Variants in PLPPR1 observed in about 807,000 individuals in gnomAD.
PLPPR1 encodes phospholipid phosphatase-related protein type 1.
A neutral mutation model predicts 33.1 loss-of-function variants in PLPPR1; 10 were observed. The observed-to-expected ratio is 0.30, with a 90% CI of 0.19 to 0.51. PLPPR1 has a LOEUF of 0.51. Among genes scored for constraint, PLPPR1 ranks in the 20% least tolerant of loss-of-function variants. The pLI, the probability that PLPPR1 is intolerant of heterozygous loss-of-function variation, is 0.97. For missense variants in PLPPR1, 304 were observed against 408.1 expected (o/e 0.74, Z 2.20); for synonymous variants, 151 against 151.0 (o/e 1.00, Z 0.00).
At chr9:101,152,048 C>A (rs1344533778) in intron 1 of PLPPR1, among the ~76,000 whole-genome samples, 2 of 152,228 alleles carry the variant, frequency 1.3e-5, no homozygotes, top group Non-Finnish European at 2.9e-5. Flanking sequence ...TCCACATCCT[C>A]TCCAGCACCT....
intron 2 of PLPPR1, among the ~76,000 whole-genome samples, chr9:101,234,881 T>A (rs963396798): frequency 2.0e-5 from 3 of 152,000 alleles, no homozygotes; most frequent in African/African-American, 7.2e-5. Flanking sequence ...TTTAAATGTA[T>A]CCTTACTTTT....
rs751532084 is a variant in PLPPR1, at chr9:101,309,358, A to G, written c.533A>G (p.Asn178Ser). ...DCQAHHQFIN[N>S]GNICTGDLEV... ...CAAGCGCACCACCAGTTTATAAACA[A>G]TGGGAACATTTGTACTGGGGACCTG... The change falls in exon 5 of 8, where the codon AAT becomes AGT. Residue 178 changes from asparagine to serine, a missense_variant. Transcript: ENST00000374874. 6.2e-7 allele frequency: 1 copy of G among 1,614,162 alleles called. No individual in the cohort carries two copies. The highest frequency in any genetic ancestry group is 8.5e-7 in the Non-Finnish European group (1 of 1,180,028).
chr9:101,171,026 T>A (rs1302773651), intron 1 of PLPPR1, among the ~76,000 whole-genome samples: 1 of 151,794 alleles, frequency 6.6e-6, no homozygotes, highest in Non-Finnish European at 1.5e-5. Context: ...GGGGTAAGAG[T>A]GTTCTAGGCC....
At chr9:101,097,133 C>T (rs1182659381) in intron 1 of PLPPR1, among the ~76,000 whole-genome samples, 3 of 152,176 alleles carry the variant, frequency 2.0e-5, no homozygotes, top group Non-Finnish European at 2.9e-5. Context: ...CAAACTTGAG[C>T]ATGGCCAGAA....
chr9:101,101,676 A>C (rs139290672), intron 1 of PLPPR1, among the ~76,000 whole-genome samples: 1 of 152,222 alleles, frequency 6.6e-6, no homozygotes, highest in African/African-American at 2.4e-5. Context: ...GATCCTTTAG[A>C]TATCAATGGA....
intron 1 of PLPPR1, among the ~76,000 whole-genome samples, chr9:101,182,325 T>C (rs980359659): frequency 6.6e-6 from 1 of 151,658 alleles, no homozygotes; most frequent in African/African-American, 2.4e-5. Flanking sequence ...TAATGATCTG[T>C]TGTGCAGAAT....
chr9:101,097,255 C>T (rs10819899), intron 1 of PLPPR1, among the ~76,000 whole-genome samples: 64,666 of 151,932 alleles, frequency 0.43, 14,020 homozygotes, highest in Non-Finnish European at 0.47. Context: ...GGTGATGCTG[C>T]GCCTGGTGGT....
chr9:101,280,944 A>G (rs1828286926), intron 3 of PLPPR1, among the ~76,000 whole-genome samples: 1 of 152,152 alleles, frequency 6.6e-6, no homozygotes, highest in South Asian at 2.1e-4. Context: ...AAAGAAAGAA[A>G]GAAGGAACAT....
chr9:101,135,099 G>T (rs191946842), intron 1 of PLPPR1, among the ~76,000 whole-genome samples: 15 of 152,310 alleles, frequency 9.8e-5, no homozygotes, highest in Non-Finnish European at 1.3e-4. Context: ...ACTTGCAACT[G>T]CATCACAGTG....
At chr9:101,130,024 CAG>C (rs1831295661) in intron 1 of PLPPR1, among the ~76,000 whole-genome samples, 2 of 151,996 alleles carry the variant, frequency 1.3e-5, no homozygotes, top group African/African-American at 4.8e-5. Context: ...GATGAGAAAA[CAG>C]AGCATTAGAT....
intron 2 of PLPPR1, among the ~76,000 whole-genome samples, chr9:101,200,467 A>G (rs1365194042): frequency 8.6e-6 from 1 of 116,948 alleles, no homozygotes; most frequent in Non-Finnish European, 1.9e-5. Flanking sequence ...GAATACATAC[A>G]GAGTGGAAAA....
intron 1 of PLPPR1, among the ~76,000 whole-genome samples, chr9:101,143,152 T>G (rs1028928167): frequency 3.3e-5 from 5 of 152,224 alleles, no homozygotes; most frequent in African/African-American, 1.2e-4. Flanking sequence ...AATGCCAGCA[T>G]GTTCTTTGTA....
At chr9:101,183,851 G>A (rs1339783582) in intron 1 of PLPPR1, among the ~76,000 whole-genome samples, 1 of 151,660 alleles carries the variant, frequency 6.6e-6, no homozygotes, top group Non-Finnish European at 1.5e-5. Context: ...TAATTACATG[G>A]AGAAGCCATC....
intron 4 of PLPPR1, among the ~76,000 whole-genome samples, chr9:101,286,788 G>C (rs1230429589): frequency 6.6e-6 from 1 of 152,054 alleles, no homozygotes; most frequent in African/African-American, 2.4e-5. Context: ...AAATTCCTGA[G>C]GTGCTAGTGA....
chr9:101,324,016 G>C lies in PLPPR1; in HGVS notation c.946-9G>C, dbSNP rs1467938464. On this transcript the variant is annotated splice_polypyrimidine_tract_variant and intron_variant, in intron 7 of 7. Transcript: ENST00000374874. ...TCTCAGATTTTATCTGCTTGTGTTTGCTCCACAGAATCACTCTGCGTCCAT... is the reference window on the plus strand; with the variant it reads ...TCTCAGATTTTATCTGCTTGTGTTTCCTCCACAGAATCACTCTGCGTCCAT... The C allele has an allele frequency of 6.2e-7, 1 of 1,611,630 alleles. No individual in the cohort carries two copies. Among genetic ancestry groups the C allele is most frequent in the Admixed American group, 1.7e-5 (1 of 59,938 alleles).
intron 1 of PLPPR1, among the ~76,000 whole-genome samples, chr9:101,052,380 G>T (rs1466111292): frequency 1.3e-5 from 2 of 152,120 alleles, no homozygotes; most frequent in African/African-American, 4.8e-5. Flanking sequence ...ATGGTGTCTA[G>T]TGTATAGAAG....
chr9:101,099,687 T>C (rs907048153), intron 1 of PLPPR1, among the ~76,000 whole-genome samples: 2 of 152,178 alleles, frequency 1.3e-5, no homozygotes, highest in African/African-American at 4.8e-5. Flanking sequence ...TACAGGAGAA[T>C]GACCATGCGT....
intron 1 of PLPPR1, among the ~76,000 whole-genome samples, chr9:101,154,162 T>A (rs1318176947): frequency 3.9e-5 from 6 of 152,248 alleles, no homozygotes; most frequent in South Asian, 2.1e-4. Context: ...GATATTGGTC[T>A]AAAATTCTCT....
intron 1 of PLPPR1, among the ~76,000 whole-genome samples, chr9:101,181,739 A>G (rs62575744): frequency 0.062 from 9 of 146 alleles, no homozygotes; most frequent in East Asian, 0.36. Context: ...GTGTGTGTGT[A>G]TATATACACA....
Sources: gnomAD v4.1 joint callset for allele counts (sites outside exome capture counted in the v4.1 genomes callset) on GRCh38, gnomAD v4.1.1 for gene constraint, MANE v1.5 for transcripts, NCBI Gene and HGNC (gene_info 2026-07-23, HGNC 2026-07-21) for gene names.